TMC5: variants seen among roughly 807,000 people sequenced by gnomAD.
TMC5 encodes transmembrane channel-like protein 5.
In TMC5, 86 loss-of-function variants were observed where a neutral mutation model predicts 110.5. That is an observed-to-expected ratio of 0.78 (90% CI 0.65 to 0.93). TMC5 has a LOEUF of 0.93. Ranked by LOEUF, TMC5 falls within the 40% of genes least tolerant of loss-of-function variation. The probability of loss-of-function intolerance (pLI) is 0.00; values close to 1 mark genes in which losing one functional copy is unlikely to be tolerated. For missense variants in TMC5, 1,144 were observed against 1,222.8 expected, an observed-to-expected ratio of 0.94 and a Z score of 0.96; for synonymous variants, 455 against 439.5, an observed-to-expected ratio of 1.04 and a Z score of -0.44.
upstream of TMC5, among the ~76,000 whole-genome samples, chr16:19,415,988 C>T (rs947787935): frequency 3.3e-5 from 5 of 152,106 alleles, no homozygotes; most frequent in African/African-American, 1.2e-4. Context: ...TGAGACAAGC[C>T]TGGGCAACGT....
chr16:19,493,803 C>T (rs532472611), intron 19 of TMC5, among the ~76,000 whole-genome samples: 1 of 152,194 alleles, frequency 6.6e-6, no homozygotes. Flanking sequence ...TTTACCACTT[C>T]CCCTCCCCAC....
intron 15 of TMC5, among the ~76,000 whole-genome samples, chr16:19,483,564 A>G (rs1403731292): frequency 6.6e-6 from 1 of 150,822 alleles, no homozygotes; most frequent in African/African-American, 2.4e-5. Context: ...GGATCACCTA[A>G]GGTCAGGAGT....
intron 4 of TMC5, among the ~76,000 whole-genome samples, chr16:19,446,152 A>G (rs892595610): frequency 3.9e-5 from 6 of 152,024 alleles, no homozygotes; most frequent in African/African-American, 1.2e-4. Context: ...GGAAAAAGAA[A>G]AGAGAATATT....
intron 2 of TMC5, among the ~76,000 whole-genome samples, chr16:19,435,760 A>G (rs1967330515): frequency 6.6e-6 from 1 of 152,190 alleles, no homozygotes; most frequent in African/African-American, 2.4e-5. Context: ...TGAACTTTGT[A>G]AAAACATTAT....
chr16:19,491,410 T>C (rs1019753276), intron 18 of TMC5, among the ~76,000 whole-genome samples: 5 of 151,942 alleles, frequency 3.3e-5, no homozygotes, highest in Admixed American at 3.3e-4. Context: ...TGCTTGAGCC[T>C]AGGAGTTTGA....
At chr16:19,437,935 A>G (rs1967383542) in intron 2 of TMC5, among the ~76,000 whole-genome samples, 1 of 152,150 alleles carries the variant, frequency 6.6e-6, no homozygotes, top group Admixed American at 6.5e-5. Flanking sequence ...TTACATGCCC[A>G]TTCTTGAGCC....
At chr16:19,419,018 C>T (rs1228442329) in intron 1 of TMC5, among the ~76,000 whole-genome samples, 3 of 152,196 alleles carry the variant, frequency 2.0e-5, no homozygotes, top group African/African-American at 7.2e-5. Flanking sequence ...CATGAGCCAC[C>T]ATGCACTGCC....
chr16:19,441,285 T>A (rs1399633760), intron 3 of TMC5, among the ~76,000 whole-genome samples: 3 of 136,142 alleles, frequency 2.2e-5, no homozygotes, highest in Non-Finnish European at 4.5e-5. Flanking sequence ...TTTGCACCAC[T>A]TCTTTGTTTT....
At position 19,457,073 on chromosome 16, in the gene TMC5, T is replaced by A. The variant is rs1269149457; in HGVS notation, c.1049-3162T>A. The A allele has an allele frequency of 2.1e-6, 3 of 1,439,930 alleles. No homozygotes were observed. The East Asian group carries it at 6.9e-5, about 33-fold the overall frequency. 89.2% of individuals were successfully genotyped at this position (1,439,930 alleles called of 1,614,324 possible). ...AGTAGGAAAAAAGGCTTCCTCGTTG[T>A]CCACAGCATATTTTACTTTTTAGAT... On this transcript the variant is annotated intron_variant, in intron 5 of 21. Coordinates refer to ENST00000542583, the MANE Select transcript of TMC5 (RefSeq NM_001261841.2).
chr16:19,423,865 C>G (rs1038472519), intron 1 of TMC5, among the ~76,000 whole-genome samples: 18 of 152,188 alleles, frequency 1.2e-4, no homozygotes, highest in Admixed American at 2.6e-4. Context: ...GATTCTCCTG[C>G]CTCAGCCTCC....
At chr16:19,463,503 G>A in intron 7 of TMC5, 136 bp downstream of exon 7, 1 of 874,076 alleles carries the variant, frequency 1.1e-6, no homozygotes, top group Admixed American at 2.2e-5. Context: ...TAGTACAGGT[G>A]TGGAAAAGCG....
chr16:19,436,580 AC>A, intron 2 of TMC5, among the ~76,000 whole-genome samples: 1 of 152,202 alleles, frequency 6.6e-6, no homozygotes, highest in East Asian at 1.9e-4. Context: ...AGCACTACAG[AC>A]AGTTTATATA....
chr16:19,434,388 TAG>T (rs1967287207), intron 2 of TMC5, among the ~76,000 whole-genome samples: 10 of 41,052 alleles, frequency 2.4e-4, no homozygotes, highest in South Asian at 1.6e-3. Context: ...ATATATAATA[TAG>T]ATATAATATA....
At chr16:19,457,138 C>A in intron 5 of TMC5, 1 of 816,870 alleles carries the variant, frequency 1.2e-6, no homozygotes, top group Non-Finnish European at 1.9e-6. Context: ...ACCTATAATC[C>A]TACGGCTTTG....
chr16:19,459,627 A>T (rs1423263976), intron 5 of TMC5, among the ~76,000 whole-genome samples: 7 of 152,174 alleles, frequency 4.6e-5, no homozygotes, highest in Non-Finnish European at 7.4e-5. Context: ...TAATAATTTT[A>T]AAAAATTAGC....
intron 1 of TMC5, among the ~76,000 whole-genome samples, chr16:19,424,492 T>A (rs900404592): frequency 2.0e-5 from 3 of 151,634 alleles, no homozygotes; most frequent in Non-Finnish European, 4.4e-5. Flanking sequence ...CTACAAAAAA[T>A]ACGAAAATTA....
intron 2 of TMC5, among the ~76,000 whole-genome samples, chr16:19,437,655 G>A (rs984353316): frequency 7.9e-5 from 12 of 152,240 alleles, no homozygotes; most frequent in African/African-American, 2.2e-4. Context: ...AAATATTGCC[G>A]TTCATCTCAT....
rs765758418 is a variant in TMC5 at position 19,463,269 on chromosome 16, G to A, written c.1149-11G>A. The A allele has an allele frequency of 2.5e-6, 4 of 1,603,466 alleles. No individual in the cohort carries two copies. The South Asian group carries it at 4.4e-5, about 18-fold the overall frequency. ...TTTGTATCTCTCATTTTCTCTTGCT[G>A]TTCCCTACAGGAAAATAGTTGACAA... On this transcript the variant is annotated splice_polypyrimidine_tract_variant and intron_variant, in intron 6 of 21. Transcript: ENST00000542583.
intron 15 of TMC5, among the ~76,000 whole-genome samples, chr16:19,486,017 G>C (rs1968731788): frequency 6.6e-6 from 1 of 152,180 alleles, no homozygotes; most frequent in African/African-American, 2.4e-5. Context: ...TGGTTTAATA[G>C]GTGGGTGGGA....
Sources: gnomAD v4.1 joint callset for allele counts (sites outside exome capture counted in the v4.1 genomes callset) on GRCh38, gnomAD v4.1.1 for gene constraint, MANE v1.5 for transcripts, NCBI Gene and HGNC (gene_info 2026-07-23, HGNC 2026-07-21) for gene names.